The following GRM7 variants were observed in gnomAD, a reference collection of about 807,000 sequenced individuals.
GRM7 encodes metabotropic glutamate receptor 7.
In GRM7, 35 loss-of-function variants were observed where a neutral mutation model predicts 84.5. The ratio of observed to expected loss-of-function variants is 0.41; its 90% CI spans 0.32 to 0.55. The LOEUF is 0.55. Ranked by LOEUF, GRM7 falls within the 20% of genes least tolerant of loss-of-function variation. The pLI is 0.19. For synonymous variants in GRM7, 487 were observed against 455.1 expected, an observed-to-expected ratio of 1.07 and a Z score of -0.89; for missense variants, 1,003 against 1,194.6, an observed-to-expected ratio of 0.84 and a Z score of 2.36.
At chr3:6,945,163 T>C (rs1312846760) in intron 1 of GRM7, among the ~76,000 whole-genome samples, 2 of 152,110 alleles carry the variant, frequency 1.3e-5, no homozygotes, top group African/African-American at 4.8e-5. Flanking sequence ...ATGCACCCAT[T>C]AACTCGTCAT....
At chr3:7,098,908 T>G (rs1995201) in intron 1 of GRM7, among the ~76,000 whole-genome samples, 1 of 151,694 alleles carries the variant, frequency 6.6e-6, no homozygotes, top group Non-Finnish European at 1.5e-5. Flanking sequence ...AGAAATAATA[T>G]ATATGCACAA....
At chr3:7,693,582 C>T in intron 9 of GRM7, 1 of 1,093,084 alleles carries the variant, frequency 9.1e-7, no homozygotes, top group Non-Finnish European at 1.3e-6. Flanking sequence ...ATTTAATTTC[C>T]TGTGGTTTGC....
intron 1 of GRM7, among the ~76,000 whole-genome samples, chr3:6,951,695 T>C (rs1252341779): frequency 2.6e-5 from 4 of 152,216 alleles, no homozygotes. Flanking sequence ...TCTTGGTAAA[T>C]GTTCCAAGTC....
intron 5 of GRM7, among the ~76,000 whole-genome samples, chr3:7,424,140 G>A (rs1696507998): frequency 6.6e-6 from 1 of 152,052 alleles, no homozygotes; most frequent in South Asian, 2.1e-4. Flanking sequence ...TGTAAAGGAG[G>A]GATAACAACA....
chr3:7,705,342 C>T (rs1281060279), intron 9 of GRM7, among the ~76,000 whole-genome samples: 1 of 152,072 alleles, frequency 6.6e-6, no homozygotes, highest in African/African-American at 2.4e-5. Flanking sequence ...AGCATCCTAC[C>T]CCACAATCAT....
intron 7 of GRM7, among the ~76,000 whole-genome samples, chr3:7,499,916 A>C (rs1699829815): frequency 6.6e-6 from 1 of 152,002 alleles, no homozygotes; most frequent in South Asian, 2.1e-4. Flanking sequence ...CTGGGACTAC[A>C]GGTGCCCGTC....
At chr3:7,149,678 A>G (rs9852444) in intron 2 of GRM7, among the ~76,000 whole-genome samples, 33,537 of 152,020 alleles carry the variant, frequency 0.22, 4,008 homozygotes, top group Middle Eastern at 0.32. Context: ...GGACTCCATC[A>G]CTCTCTTATT....
chr3:7,115,429 C>G (rs552072736), intron 1 of GRM7, among the ~76,000 whole-genome samples: 1 of 152,136 alleles, frequency 6.6e-6, no homozygotes, highest in South Asian at 2.1e-4. Flanking sequence ...TCAAATCCCC[C>G]TTTTCCTGTG....
intron 1 of GRM7, among the ~76,000 whole-genome samples, chr3:7,108,647 C>A (rs1365770206): frequency 7.9e-5 from 12 of 152,070 alleles, no homozygotes; most frequent in Admixed American, 7.9e-4. Flanking sequence ...TGGACCATCT[C>A]ATTTGACATC....
At chr3:7,518,969 G>A (rs1200837986) in intron 7 of GRM7, among the ~76,000 whole-genome samples, 1 of 152,008 alleles carries the variant, frequency 6.6e-6, no homozygotes, top group Non-Finnish European at 1.5e-5. Flanking sequence ...GCACTTTTCT[G>A]TCTGTTAATC....
intron 8 of GRM7, among the ~76,000 whole-genome samples, chr3:7,665,022 C>T (rs1699624949): frequency 6.6e-6 from 1 of 151,982 alleles, no homozygotes; most frequent in Non-Finnish European, 1.5e-5. Context: ...TCAAGCACAC[C>T]TTTTATCATT....
At chr3:7,459,460 G>A (rs1559337676) in intron 6 of GRM7, among the ~76,000 whole-genome samples, 1 of 152,136 alleles carries the variant, frequency 6.6e-6, no homozygotes, top group East Asian at 1.9e-4. Context: ...GCCTAATACT[G>A]GGTAATTTAT....
At chr3:6,947,817 T>C (rs1698148393) in intron 1 of GRM7, among the ~76,000 whole-genome samples, 1 of 152,234 alleles carries the variant, frequency 6.6e-6, no homozygotes, top group Non-Finnish European at 1.5e-5. Context: ...ATGCATTTCT[T>C]CTAGATTTTC....
intron 7 of GRM7, among the ~76,000 whole-genome samples, chr3:7,490,352 A>G (rs1243225782): frequency 1.3e-5 from 2 of 152,266 alleles, no homozygotes; most frequent in South Asian, 2.1e-4. Context: ...TCTGAAATAT[A>G]TGAACTGAAG....
At chr3:7,595,551 C>G (rs73019897) in intron 8 of GRM7, among the ~76,000 whole-genome samples, 1 of 152,126 alleles carries the variant, frequency 6.6e-6, no homozygotes, top group Non-Finnish European at 1.5e-5. Context: ...TTAAATTAAT[C>G]AAATATGAGT....
intron 1 of GRM7, among the ~76,000 whole-genome samples, chr3:6,905,488 C>G (rs550059532): frequency 6.6e-6 from 1 of 152,168 alleles, no homozygotes; most frequent in South Asian, 2.1e-4. Context: ...AGCTTATTTT[C>G]TTGGGTTTCC....
At chr3:6,914,694 C>T (rs1422300862) in intron 1 of GRM7, among the ~76,000 whole-genome samples, 7 of 152,128 alleles carry the variant, frequency 4.6e-5, no homozygotes, top group Non-Finnish European at 7.4e-5. Context: ...AGCCACCGTG[C>T]CCGGCCCTAT....
intron 4 of GRM7, among the ~76,000 whole-genome samples, chr3:7,308,784 G>A (rs1700287884): frequency 6.6e-6 from 1 of 152,104 alleles, no homozygotes; most frequent in South Asian, 2.1e-4. Context: ...TTCCTAGGCT[G>A]TGGATGCCAT....
intron 1 of GRM7, among the ~76,000 whole-genome samples, chr3:6,998,373 G>T (rs1694899188): frequency 1.3e-5 from 2 of 152,188 alleles, no homozygotes. Context: ...TGGCTTGGCA[G>T]GGTACAGTCC....
Sources: gnomAD v4.1 joint callset for allele counts (sites outside exome capture counted in the v4.1 genomes callset) on GRCh38, gnomAD v4.1.1 for gene constraint, MANE v1.5 for transcripts, NCBI Gene and HGNC (gene_info 2026-07-23, HGNC 2026-07-21) for gene names.